SYTL5: variants seen among roughly 807,000 people sequenced by gnomAD.
The protein encoded by SYTL5 is synaptotagmin like 5, also known as synaptotagmin-like protein 5.
Under a neutral mutation model 55.9 loss-of-function variants are expected in SYTL5, and 34 were observed. That is an observed-to-expected ratio of 0.61 (90% confidence interval 0.46 to 0.81). The LOEUF is 0.81. Among genes scored for constraint, SYTL5 ranks in the 30% least tolerant of loss-of-function variants. The probability of loss-of-function intolerance (pLI) is 0.00; values close to 1 mark genes in which losing one functional copy is unlikely to be tolerated. For missense variants in SYTL5, 637 were observed against 546.7 expected, an observed-to-expected ratio of 1.17 and a Z score of -1.65; for synonymous variants, 221 against 188.7, an observed-to-expected ratio of 1.17 and a Z score of -1.40.
intron 2 of SYTL5, among the ~76,000 whole-genome samples, chrX:38,053,143 G>A (rs1464995416): frequency 8.9e-6 from 1 of 112,478 alleles, no homozygotes; most frequent in Non-Finnish European, 1.9e-5. Context: ...TTGTTAAAAT[G>A]TAGGTTCTGA....
At chrX:37,979,193 AT>A in the SYTL5 span, among the ~76,000 whole-genome samples, 1 of 110,635 alleles carries the variant, frequency 9.0e-6, no homozygotes, top group East Asian at 2.8e-4. Flanking sequence ...TCCAAAGATG[AT>A]TTTGAGGGCT....
chrX:38,093,926 C>T (rs910901568), intron 7 of SYTL5, among the ~76,000 whole-genome samples: 2 of 110,836 alleles, frequency 1.8e-5, no homozygotes, highest in Non-Finnish European at 1.9e-5. Flanking sequence ...GAGTTCTAAG[C>T]TTGAGTGCTA....
intron 13 of SYTL5, among the ~76,000 whole-genome samples, chrX:38,116,880 G>T (rs1937502835): frequency 8.9e-6 from 1 of 112,443 alleles, no homozygotes; most frequent in African/African-American, 3.2e-5. Context: ...CACGAGGGAT[G>T]AAGAACACTA....
chrX:37,958,994 G>A, the SYTL5 span, among the ~76,000 whole-genome samples: 1 of 112,261 alleles, frequency 8.9e-6, no homozygotes, highest in Non-Finnish European at 1.9e-5. Flanking sequence ...TTCCATCCCT[G>A]TGGCTTTGCT....
At chrX:38,053,676 A>G (rs1019110579) in intron 2 of SYTL5, among the ~76,000 whole-genome samples, 3 of 111,945 alleles carry the variant, frequency 2.7e-5, no homozygotes, top group Non-Finnish European at 5.6e-5. Flanking sequence ...GCCTACAATG[A>G]TGCTGAGTTT....
chrX:37,933,327 A>G, the SYTL5 span, among the ~76,000 whole-genome samples: 5 of 111,823 alleles, frequency 4.5e-5, no homozygotes, highest in African/African-American at 1.6e-4. Flanking sequence ...AATTTCTGGC[A>G]TTTTAACTTT....
At chrX:38,035,665 G>T (rs1450109910) in intron 2 of SYTL5, among the ~76,000 whole-genome samples, 1 of 110,384 alleles carries the variant, frequency 9.1e-6, no homozygotes, top group Non-Finnish European at 1.9e-5. Context: ...GGGAGGCAGA[G>T]GTGGGCGGAT....
At chrX:37,938,984 G>A in the SYTL5 span, among the ~76,000 whole-genome samples, 83 of 111,429 alleles carry the variant, frequency 7.4e-4, no homozygotes, top group African/African-American at 2.5e-3. Context: ...ATGGTCAGGC[G>A]CGGTGGCTCA....
chrX:37,915,988 A>G, the SYTL5 span, among the ~76,000 whole-genome samples: 1 of 111,215 alleles, frequency 9.0e-6, no homozygotes, highest in Non-Finnish European at 1.9e-5. Context: ...TACCTCACAG[A>G]TCTTTTTTTT....
rs1229172815 is a variant in SYTL5, at chrX:38,128,316, T to C, written c.*1586T>C. 1 of 111,668 alleles carries C rather than the reference T, an allele frequency of 9.0e-6. No homozygotes were observed. Among genetic ancestry groups the C allele is most frequent in the Non-Finnish European group, 1.9e-5 (1 of 53,137 alleles). The allele number at this position is 111,668 out of a possible 1,213,427, so 9.2% of individuals were successfully genotyped here. A position where few individuals can be genotyped will look rare whatever the true frequency, so the allele number is the denominator to read the frequency against. On this transcript the variant is annotated 3_prime_UTR_variant, in exon 17 of 17. Transcript: ENST00000297875. ...TTCAATATAGTCCTTGGCATAATGC[T>C]ATGCTTATTAGGTAGATAAAAGGGC...
chrX:38,056,084 C>A (rs1935771080), intron 3 of SYTL5, among the ~76,000 whole-genome samples: 2 of 111,473 alleles, frequency 1.8e-5, no homozygotes, highest in African/African-American at 6.5e-5. Flanking sequence ...ATTTTTATAC[C>A]TGTTAGCCAT....
At chrX:37,983,300 A>G in the SYTL5 span, among the ~76,000 whole-genome samples, 141 of 112,324 alleles carry the variant, frequency 1.3e-3, no homozygotes, top group African/African-American at 4.3e-3. Flanking sequence ...CATACTTTAG[A>G]TTCAAAGACA....
At chrX:38,124,646 G>A (rs1275214421) in intron 15 of SYTL5, among the ~76,000 whole-genome samples, 1 of 111,765 alleles carries the variant, frequency 8.9e-6, no homozygotes, top group South Asian at 3.7e-4. Context: ...AAACAAGGAA[G>A]AAAGAGAAGT....
chrX:37,984,189 T>G, the SYTL5 span, among the ~76,000 whole-genome samples: 2 of 110,715 alleles, frequency 1.8e-5, no homozygotes, highest in African/African-American at 6.5e-5. Flanking sequence ...TAGAGAAAAT[T>G]AAAGGAACTA....
chrX:38,014,029 A>G (rs977534534), intron 1 of SYTL5, among the ~76,000 whole-genome samples: 2 of 111,172 alleles, frequency 1.8e-5, no homozygotes, highest in Admixed American at 9.5e-5. Context: ...TTCAGCTTTT[A>G]TTTCTTTCTT....
At chrX:38,075,094 C>T (rs559589931) in intron 5 of SYTL5, among the ~76,000 whole-genome samples, 2 of 111,541 alleles carry the variant, frequency 1.8e-5, no homozygotes, top group South Asian at 7.7e-4. Context: ...TTGTCATTTG[C>T]AGACCCCAGC....
At chrX:38,019,130 T>C (rs1444892617) in intron 1 of SYTL5, among the ~76,000 whole-genome samples, 3 of 112,691 alleles carry the variant, frequency 2.7e-5, no homozygotes, top group Admixed American at 9.4e-5. Context: ...ATCTAACTTA[T>C]AGAACAGATG....
chrX:37,969,552 C>T, the SYTL5 span, among the ~76,000 whole-genome samples: 2 of 111,958 alleles, frequency 1.8e-5, no homozygotes, highest in Non-Finnish European at 3.8e-5. Flanking sequence ...TTTTCGAAAA[C>T]AATTTTTCTC....
Position 38,073,651 on chromosome X carries a change from A to T in SYTL5, c.507A>T (p.Ser169=). ...TRQDAEKSDT[S]PVAGKKASHD... ...AGGATGCAGAAAAGTCAGACACTTC[A>T]CCTGTTGCTGGGAAGAAGGCCAGCC... Residue 169 remains serine (S), a synonymous_variant, in exon 5 of 17, where the codon TCA becomes TCT. Transcript: ENST00000297875. 3 of 1,199,952 alleles carry T rather than the reference A, an allele frequency of 2.5e-6. No individual in the cohort carries two copies. In the East Asian group the frequency reaches 8.9e-5, roughly 36 times the overall value.
Sources: allele counts gnomAD v4.1 joint callset (sites outside exome capture counted in the v4.1 genomes callset), GRCh38; gene constraint gnomAD v4.1.1; transcripts MANE v1.5; gene names NCBI Gene and HGNC (gene_info 2026-07-23, HGNC 2026-07-21).